PARD3B: variants seen among roughly 807,000 people sequenced by gnomAD.
The protein encoded by PARD3B is partitioning defective 3 homolog B.
A neutral mutation model predicts 130.2 loss-of-function variants in PARD3B; 103 were observed. The observed-to-expected ratio is 0.79, with a 90% CI of 0.67 to 0.93. PARD3B has a LOEUF of 0.93. PARD3B is among the 40% of genes least tolerant of loss of function. The pLI is 0.00. For synonymous variants in PARD3B, 583 were observed against 553.2 expected, an observed-to-expected ratio of 1.05 and a Z score of -0.76; for missense variants, 1,609 against 1,499.2, an observed-to-expected ratio of 1.07 and a Z score of -1.21.
intron 20 of PARD3B, among the ~76,000 whole-genome samples, chr2:205,456,258 A>G (rs1328319269): frequency 6.6e-6 from 1 of 152,034 alleles, no homozygotes; most frequent in African/African-American, 2.4e-5. Context: ...TTAATCATTC[A>G]TCTGTTCCTG....
In PARD3B at chr2:204,899,064, T is replaced by G. The variant is rs1011306001; in HGVS notation, c.223-66088T>G. ...CAACGGAATATTAGGTTTTTTTTTT[T>G]TAATCTATGTCTTTTGATTGGAGAA... is the stretch of plus-strand genomic sequence containing the variant. On this transcript the variant is annotated intron_variant, in intron 2 of 22. Coordinates refer to ENST00000406610, the MANE Select transcript of PARD3B (RefSeq NM_001302769.2). Among the ~76,000 whole-genome samples, 4 of 152,244 alleles carry G rather than the reference T, an allele frequency of 2.6e-5. No homozygotes were observed. The East Asian group carries it at 7.7e-4, about 29-fold the overall frequency.
intron 2 of PARD3B, among the ~76,000 whole-genome samples, chr2:204,840,907 GA>G (rs2044236675): frequency 6.6e-6 from 1 of 152,082 alleles, no homozygotes; most frequent in African/African-American, 2.4e-5. Context: ...GTAAGTATAG[GA>G]AAAAACATAG....
At chr2:205,235,486 C>G (rs2039022577) in intron 15 of PARD3B, among the ~76,000 whole-genome samples, 1 of 151,962 alleles carries the variant, frequency 6.6e-6, no homozygotes, top group Non-Finnish European at 1.5e-5. Context: ...GGGATATGCC[C>G]CAGGACCCCC....
chr2:205,076,653 A>G (rs1701081340), intron 4 of PARD3B, among the ~76,000 whole-genome samples: 1 of 152,164 alleles, frequency 6.6e-6, no homozygotes, highest in Non-Finnish European at 1.5e-5. Flanking sequence ...TGGCAGCATT[A>G]GGTTCTCATG....
At chr2:204,683,761 A>G (rs569552618) in intron 1 of PARD3B, among the ~76,000 whole-genome samples, 29 of 152,322 alleles carry the variant, frequency 1.9e-4, no homozygotes, top group African/African-American at 6.7e-4. Context: ...AAATGGCAAT[A>G]TCAATGTGGA....
chr2:205,125,232 G>A lies in PARD3B; in HGVS notation c.1306-377G>A, dbSNP rs1377064090. Among the ~76,000 whole-genome samples the A allele has an allele frequency of 1.3e-5, 2 of 152,236 alleles. No homozygotes were observed. The highest frequency in any genetic ancestry group is 4.8e-5 in the African/African-American group (2 of 41,474). On this transcript the variant is annotated intron_variant, in intron 9 of 22. Coordinates refer to ENST00000406610, the MANE Select transcript of PARD3B (RefSeq NM_001302769.2). This position sits in a 1 kb window ranked among gnomAD's most constrained non-coding sequence, Gnocchi z 4.0. Reference sequence around the variant, plus strand: ...TTCTATTGCTAGGTTCGTATTTGCAGAGAAATTTGCCTTGTGATCATGGTT... The same window carrying A: ...TTCTATTGCTAGGTTCGTATTTGCAAAGAAATTTGCCTTGTGATCATGGTT...
At chr2:204,563,266 T>TCTCTCTCTCTCTC (rs1491232845) in intron 1 of PARD3B, among the ~76,000 whole-genome samples, 1 of 133,674 alleles carries the variant, frequency 7.5e-6, no homozygotes, top group African/African-American at 2.8e-5. Context: ...TCTCTCTCTC[T>TCTCTCTCTCTCTC]TTCTCTCTTC....
chr2:205,498,717 C>G (rs895825987), intron 20 of PARD3B, among the ~76,000 whole-genome samples: 5 of 152,206 alleles, frequency 3.3e-5, no homozygotes, highest in Admixed American at 2.6e-4. Flanking sequence ...CTGCCCTTCC[C>G]TCTACCTGGA....
rs1019932944 is a variant in PARD3B at position 205,590,124 on chromosome 2, T to C, written c.3261-25332T>C. 4.6e-5 allele frequency among the ~76,000 whole-genome samples: 7 copies of C among 152,234 alleles called. No individual in the cohort carries two copies. Among genetic ancestry groups the C allele is most frequent in the South Asian group, 2.1e-4 (1 of 4,828 alleles). On this transcript the variant is annotated intron_variant, in intron 22 of 22. Transcript: ENST00000406610. The surrounding 1 kb of genome is among the most constrained non-coding windows in gnomAD (Gnocchi z 4.1). ...ACACATGGACAATAGGTAAACATTA[T>C]TGTTCTCTCTACATATTATTCCGAT...
At chr2:205,220,264 C>T (rs1237645514) in intron 15 of PARD3B, among the ~76,000 whole-genome samples, 1 of 152,158 alleles carries the variant, frequency 6.6e-6, no homozygotes, top group Non-Finnish European at 1.5e-5. Flanking sequence ...TTGAGATTCT[C>T]TATGACTGGC....
rs751464145 is a variant in PARD3B at position 204,689,394 on chromosome 2, AATATTGC to A, written c.222+3115_222+3121del. Among the ~76,000 whole-genome samples, 1 of 152,168 alleles carries A rather than the reference AATATTGC, an allele frequency of 6.6e-6. No homozygotes were observed. Among genetic ancestry groups the A allele is most frequent in the African/African-American group, 2.4e-5 (1 of 41,456 alleles). Reference sequence around the variant, plus strand: ...CAAAATATTATTGGAACAGCTTTGGAATATTGCATCTTATGATAACTATTTGTATAAA... The same window carrying A: ...CAAAATATTATTGGAACAGCTTTGGAATCTTATGATAACTATTTGTATAAA... On this transcript the variant is annotated intron_variant, in intron 2 of 22. Transcript: ENST00000406610. The surrounding 1 kb of genome is among the most constrained non-coding windows in gnomAD (Gnocchi z 5.2).
intron 1 of PARD3B, among the ~76,000 whole-genome samples, chr2:204,584,842 A>G (rs2032747533): frequency 6.6e-6 from 1 of 152,208 alleles, no homozygotes; most frequent in Non-Finnish European, 1.5e-5. Flanking sequence ...CCTTCCAAAC[A>G]AAGGGAATTT....
intron 21 of PARD3B, among the ~76,000 whole-genome samples, chr2:205,502,954 T>C (rs1042513645): frequency 3.3e-5 from 5 of 151,360 alleles, no homozygotes; most frequent in Admixed American, 6.6e-5. Context: ...CTCCCTAGGG[T>C]TCTCACTTGG....
At chr2:205,013,274 T>TA (rs1695868697) in intron 3 of PARD3B, among the ~76,000 whole-genome samples, 1 of 152,222 alleles carries the variant, frequency 6.6e-6, no homozygotes, top group African/African-American at 2.4e-5. Context: ...ACGGTGCTCT[T>TA]TTGTTCGTCT....
At chr2:204,888,180 G>A (rs1025601658) in intron 2 of PARD3B, among the ~76,000 whole-genome samples, 1 of 152,164 alleles carries the variant, frequency 6.6e-6, no homozygotes, top group African/African-American at 2.4e-5. Context: ...AGAAATCTAT[G>A]TGGAAATAGC....
chr2:205,391,811 G>T (rs1026489206), intron 18 of PARD3B, among the ~76,000 whole-genome samples: 2 of 151,940 alleles, frequency 1.3e-5, no homozygotes, highest in Non-Finnish European at 2.9e-5. Flanking sequence ...ACTCATTCAC[G>T]CTTATTTTTA....
chr2:205,583,152 T>C (rs568647561), intron 22 of PARD3B, among the ~76,000 whole-genome samples: 1 of 152,350 alleles, frequency 6.6e-6, no homozygotes, highest in South Asian at 2.1e-4. Flanking sequence ...AAATGAAAAT[T>C]AGAGCATAGC....
At chr2:205,129,103 A>C (rs1316265541) in intron 10 of PARD3B, among the ~76,000 whole-genome samples, 1 of 152,254 alleles carries the variant, frequency 6.6e-6, no homozygotes, top group Non-Finnish European at 1.5e-5. Flanking sequence ...TCATTCCTTT[A>C]GAAGTTTCTA....
rs2054174933 is a variant in PARD3B at position 205,585,772 on chromosome 2, A to T, written c.3261-29684A>T. Among the ~76,000 whole-genome samples, 1 of 152,196 alleles carries T rather than the reference A, an allele frequency of 6.6e-6. No individual in the cohort carries two copies. The highest frequency in any genetic ancestry group is 2.4e-5 in the African/African-American group (1 of 41,450). On this transcript the variant is annotated intron_variant, in intron 22 of 22. Transcript: ENST00000406610. This position sits in a 1 kb window ranked among gnomAD's most constrained non-coding sequence, Gnocchi z 5.4. ...AGCTGTTTCTCCCCCACCACATTTCAGGAAGGGCTTTGAACTGGATTTCGG... is the reference window on the plus strand; with the variant it reads ...AGCTGTTTCTCCCCCACCACATTTCTGGAAGGGCTTTGAACTGGATTTCGG...
Sources: allele counts gnomAD v4.1 joint callset (sites outside exome capture counted in the v4.1 genomes callset), GRCh38; gene constraint gnomAD v4.1.1; non-coding constraint Gnocchi (gnomAD v3.1); transcripts MANE v1.5; gene names NCBI Gene and HGNC (gene_info 2026-07-23, HGNC 2026-07-21).